CCNL1: variants seen among roughly 807,000 people sequenced by gnomAD.
CCNL1 encodes the protein cyclin L1.
CCNL1 carries 13 observed loss-of-function variants against 60.6 expected under a neutral mutation model. The ratio of observed to expected loss-of-function variants is 0.21; its 90% confidence interval spans 0.14 to 0.34. The LOEUF is 0.34. Ranked by LOEUF, CCNL1 falls within the 10% of genes least tolerant of loss-of-function variation. CCNL1 has a pLI of 1.00. For missense variants in CCNL1, 481 were observed against 664.3 expected (o/e 0.72, Z 3.03); for synonymous variants, 270 against 244.3 (o/e 1.10, Z -0.98).
chr3:157,144,832 C>T (rs1250560449), downstream of CCNL1, among the ~76,000 whole-genome samples: 1 of 152,162 alleles, frequency 6.6e-6, no homozygotes. Context: ...TATTACAGTT[C>T]ATGATGAGTT....
chr3:157,146,625 A>G, downstream of CCNL1: 1 of 377,552 alleles, frequency 2.6e-6, no homozygotes, highest in South Asian at 1.9e-5. Flanking sequence ...AAAAAAAAAA[A>G]AAGTTAAAAA....
chr3:157,156,116 A>C (rs1486534011), intron 3 of CCNL1, among the ~76,000 whole-genome samples: 1 of 152,234 alleles, frequency 6.6e-6, no homozygotes, highest in African/African-American at 2.4e-5. Flanking sequence ...AGTTTCATTT[A>C]TGTGTTACAA....
intron 8 of CCNL1, 63 bp from the exon 9 acceptor site, chr3:157,149,659 T>C: frequency 6.6e-7 from 1 of 1,525,788 alleles, no homozygotes; most frequent in Non-Finnish European, 9.0e-7. Flanking sequence ...AAAAGTTGTT[T>C]CTAAATGTAA....
downstream of CCNL1, among the ~76,000 whole-genome samples, chr3:157,144,660 A>G (rs1737730085): frequency 6.6e-6 from 1 of 152,364 alleles, no homozygotes; most frequent in African/African-American, 2.4e-5. Flanking sequence ...CTCCGTTCCT[A>G]TTTCCACATA....
intron 3 of CCNL1, among the ~76,000 whole-genome samples, chr3:157,157,924 C>T (rs1738750124): frequency 6.6e-6 from 1 of 152,200 alleles, no homozygotes; most frequent in Non-Finnish European, 1.5e-5. Flanking sequence ...AACCAACATA[C>T]CCAACCCCCA....
chr3:157,144,091 T>C (rs1307074872), downstream of CCNL1, among the ~76,000 whole-genome samples: 5 of 152,134 alleles, frequency 3.3e-5, no homozygotes, highest in Admixed American at 6.5e-5. Flanking sequence ...TCTCCATACT[T>C]AGACTGGGTT....
chr3:157,146,573 G>A (rs976389854), downstream of CCNL1: 6 of 433,754 alleles, frequency 1.4e-5, no homozygotes, highest in East Asian at 1.5e-4. Flanking sequence ...CCAGGAGTTC[G>A]TGACCGACCT....
intron 2 of CCNL1, 147 bp from the exon 3 acceptor site, chr3:157,159,122 T>A (rs997328775): frequency 1.6e-6 from 1 of 636,648 alleles, no homozygotes; most frequent in East Asian, 2.7e-5. Flanking sequence ...AGTACTATAC[T>A]TTTTGTTGTT....
chr3:157,151,452 A>T, intron 5 of CCNL1: 2 of 985,878 alleles, frequency 2.0e-6, no homozygotes, highest in Non-Finnish European at 2.4e-6. Flanking sequence ...ATCTCTTTTA[A>T]AAATGAAGTG....
intron 3 of CCNL1, among the ~76,000 whole-genome samples, chr3:157,157,916 C>T (rs1738749197): frequency 6.6e-6 from 1 of 151,920 alleles, no homozygotes; most frequent in South Asian, 2.2e-4. Flanking sequence ...ACAGCACTAA[C>T]CAACATACCC....
chr3:157,159,804 G>A lies in CCNL1; in HGVS notation c.291C>T (p.Leu97=), dbSNP rs770272421. 9 of 1,537,658 alleles carry A rather than the reference G, an allele frequency of 5.9e-6. No homozygotes were observed. The East Asian group carries it at 2.0e-4, about 34-fold the overall frequency. ...CELIQAAGIL[L]RLPQVAMATG... is the part of the protein sequence containing the mutation. ...CCGGAGCACTGACCTGCGGCAGCCG[G>A]AGGAGAATGCCGGCGGCCTGGATGA... Residue 97 remains leucine, a synonymous_variant, in exon 1 of 11, where the codon CTC becomes CTT. Transcript: ENST00000295926.
intron 5 of CCNL1, chr3:157,151,689 A>G: frequency 9.0e-6 from 9 of 996,038 alleles, no homozygotes; most frequent in Non-Finnish European, 1.1e-5. Context: ...TTTGATAGTT[A>G]CAAGTATACA....
chr3:157,154,365 C>G (rs976096762), intron 3 of CCNL1: 1 of 152,004 alleles, frequency 6.6e-6, no homozygotes, highest in South Asian at 2.1e-4. Flanking sequence ...ACTGATTATA[C>G]GGTAAGTTTA....
chr3:157,158,638 T>C (rs1388408403), intron 3 of CCNL1: 4 of 397,116 alleles, frequency 1.0e-5, no homozygotes, highest in South Asian at 2.6e-5. Flanking sequence ...ACTGTTAGGA[T>C]TGTCCATAAA....
At position 157,157,219 on chromosome 3, in the gene CCNL1, C is replaced by T. The variant is rs1209821697; in HGVS notation, c.488+1647G>A. The T allele has an allele frequency of 4.7e-5, 35 of 738,784 alleles. No individual in the cohort carries two copies. The Admixed American group carries it at 6.7e-4, about 14-fold the overall frequency. The allele number at this position is 738,784 out of a possible 1,614,324, so 45.8% of individuals were successfully genotyped here. A position where few individuals can be genotyped will look rare whatever the true frequency, so the allele number is the denominator to read the frequency against. ...AAAAAGGCTTCCATGCAATTAACAA[C>T]TCCTTTTAAATTTTGCTATAATCAG... On this transcript the variant is annotated intron_variant, in intron 3 of 10. Transcript: ENST00000295926.
Position 157,159,079 on chromosome 3 carries a change from AC to A in CCNL1, c.379-105del. 1.9e-5 allele frequency: 14 copies of A among 746,374 alleles called. No individual in the cohort carries two copies. In the South Asian group the frequency reaches 2.3e-4, roughly 12 times the overall value. 46.2% of individuals were successfully genotyped at this position (746,374 alleles called of 1,614,324 possible). A position where few individuals can be genotyped will look rare whatever the true frequency, so the allele number is the denominator to read the frequency against. On this transcript the variant is annotated intron_variant, in intron 2 of 10. Coordinates refer to ENST00000295926, the MANE Select transcript of CCNL1 (RefSeq NM_020307.4). ...ACAACCTTTAGTAAAATTAGAGAAGACATCTCTATGCCGTAAGTCTACCAGC... is the reference window on the plus strand; with the variant it reads ...ACAACCTTTAGTAAAATTAGAGAAGAATCTCTATGCCGTAAGTCTACCAGC...
chr3:157,143,534 C>T (rs188200817), downstream of CCNL1, among the ~76,000 whole-genome samples: 1 of 152,294 alleles, frequency 6.6e-6, no homozygotes, highest in African/African-American at 2.4e-5. Context: ...AGGTGAGGGA[C>T]ATACAATAAT....
downstream of CCNL1, among the ~76,000 whole-genome samples, chr3:157,145,696 T>G (rs1475709655): frequency 2.6e-5 from 4 of 152,128 alleles, no homozygotes; most frequent in East Asian, 7.7e-4. Flanking sequence ...AAAATAACAG[T>G]CTGGGTGTCC....
intron 3 of CCNL1, chr3:157,153,413 C>A: frequency 2.9e-6 from 1 of 345,680 alleles, no homozygotes. Flanking sequence ...GAATTCATCC[C>A]TGCCAACTTT....
Sources: allele counts gnomAD v4.1 joint callset (sites outside exome capture counted in the v4.1 genomes callset), GRCh38; gene constraint gnomAD v4.1.1; transcripts MANE v1.5; gene names NCBI Gene and HGNC (gene_info 2026-07-23, HGNC 2026-07-21).